The following LMO7 variants were observed in gnomAD, a reference collection of about 807,000 sequenced individuals.
The protein encoded by LMO7 is LIM domain 7, also known as LIM domain only protein 7.
LMO7 carries 120 observed loss-of-function variants against 206.5 expected under a neutral mutation model. The ratio of observed to expected loss-of-function variants is 0.58; its 90% CI spans 0.50 to 0.68. The LOEUF is 0.68. Among genes scored for constraint, LMO7 ranks in the 30% least tolerant of loss-of-function variants. The pLI is 0.00. For synonymous variants in LMO7, 706 were observed against 681.5 expected (o/e 1.04, Z -0.56); for missense variants, 1,959 against 1,957.9 (o/e 1.00, Z -0.01).
intron 26 of LMO7, among the ~76,000 whole-genome samples, chr13:75,846,396 T>C (rs2060000013): frequency 6.6e-6 from 1 of 152,214 alleles, no homozygotes; most frequent in African/African-American, 2.4e-5. Context: ...TATAACCACA[T>C]TATTATCTTT....
In LMO7 at chr13:75,636,630, GTCTC is replaced by G. The variant is rs752947652; in HGVS notation, c.-21_-18del. The G allele has an allele frequency of 3.2e-6, 5 of 1,566,412 alleles. No homozygotes were observed. The Admixed American group carries it at 5.6e-5, about 18-fold the overall frequency. On this transcript the variant is annotated 5_prime_UTR_variant, in exon 1 of 31. Transcript: ENST00000377534. The stretch of plus-strand genomic sequence containing the variant: ...AACCCCTCCCCTCCACGCATCCCGA[GTCTC>G]TCTCTCCCTCCCTTGTCCTAGCCAT...
At chr13:75,717,374 A>C (rs1381674144) in intron 2 of LMO7, among the ~76,000 whole-genome samples, 4 of 150,476 alleles carry the variant, frequency 2.7e-5, no homozygotes, top group East Asian at 2.0e-4. Flanking sequence ...AAAAAAAAAA[A>C]AAAAAAACAC....
At position 75,841,901 on chromosome 13, in the gene LMO7, G is replaced by C; in HGVS notation, c.3949G>C (p.Glu1317Gln). The C allele has an allele frequency of 1.9e-6, 3 of 1,613,902 alleles. No individual in the cohort carries two copies. Among genetic ancestry groups the C allele is most frequent in the Non-Finnish European group, 2.5e-6 (3 of 1,179,938 alleles). ...AAAGCGGCTTCAGGCTGAGGCTGAG[G>C]AGCAGAAGCGTCCTGCGGAGGAGCA... ...EQKRLQAEAE[E>Q]QKRPAEEQKR... is the part of the protein sequence containing the mutation. Residue 1317 changes from glutamate (E) to glutamine (Q), a missense_variant, in exon 24 of 31, where the codon GAG becomes CAG. Glu to Gln is a conservative substitution (Grantham distance 29). Coordinates refer to ENST00000377534, the MANE Select transcript of LMO7 (RefSeq NM_001306080.2).
chr13:75,853,882 C>T (rs979927627), intron 28 of LMO7, among the ~76,000 whole-genome samples: 1 of 152,202 alleles, frequency 6.6e-6, no homozygotes, highest in Non-Finnish European at 1.5e-5. Context: ...TTCTGACTAG[C>T]TGGATTAAAG....
intron 21 of LMO7, 113 bp downstream of exon 21, chr13:75,840,223 A>T: frequency 1.4e-6 from 2 of 1,388,650 alleles, no homozygotes; most frequent in Non-Finnish European, 2.0e-6. Flanking sequence ...TCAGAGAGTT[A>T]TCCTTCCAAG....
At chr13:75,714,280 C>T (rs561898106) in intron 2 of LMO7, among the ~76,000 whole-genome samples, 19 of 152,200 alleles carry the variant, frequency 1.2e-4, no homozygotes, top group African/African-American at 4.1e-4. Context: ...ATTTTCTCAT[C>T]GGTAAAGTAG....
At chr13:75,786,531 C>T (rs183429418) in intron 4 of LMO7, among the ~76,000 whole-genome samples, 10 of 152,130 alleles carry the variant, frequency 6.6e-5, no homozygotes, top group Admixed American at 5.9e-4. Context: ...CCAGCCACCA[C>T]GCCTGGCTAA....
intron 14 of LMO7, 101 bp downstream of exon 14, chr13:75,821,710 C>T (rs761284474): frequency 1.5e-4 from 108 of 712,178 alleles, no homozygotes; most frequent in Non-Finnish European, 2.1e-4. Context: ...GTAAACTGTA[C>T]ATAACATATA....
At chr13:75,793,099 C>T (rs1250924105) in intron 4 of LMO7, among the ~76,000 whole-genome samples, 1 of 152,086 alleles carries the variant, frequency 6.6e-6, no homozygotes, top group Non-Finnish European at 1.5e-5. Context: ...CCAGTGCATT[C>T]TTTGTCCTGT....
At chr13:75,780,685 G>A (rs2051196596) in intron 4 of LMO7, among the ~76,000 whole-genome samples, 1 of 152,202 alleles carries the variant, frequency 6.6e-6, no homozygotes, top group Non-Finnish European at 1.5e-5. Context: ...TAAGATTATT[G>A]ACTGGGGAAG....
intron 1 of LMO7, among the ~76,000 whole-genome samples, chr13:75,681,737 T>TATATATATATATATATATATATAC (rs2040544877): frequency 3.1e-5 from 4 of 130,854 alleles, no homozygotes; most frequent in African/African-American, 1.3e-4. Context: ...TATATATATA[T>TATATATATATATATATATATATAC]ATATATATAT....
intron 3 of LMO7, among the ~76,000 whole-genome samples, chr13:75,752,421 C>T (rs774746591): frequency 1.3e-5 from 2 of 152,224 alleles, no homozygotes; most frequent in Admixed American, 6.5e-5. Flanking sequence ...GCATGAGCCA[C>T]TGCACCCGGC....
chr13:75,819,974 T>A (rs1054865637), intron 13 of LMO7, among the ~76,000 whole-genome samples: 1 of 152,232 alleles, frequency 6.6e-6, no homozygotes, highest in Non-Finnish European at 1.5e-5. Flanking sequence ...TTAAAGAAAG[T>A]TTTTATGAAC....
chr13:75,687,642 G>A (rs1361918740), intron 1 of LMO7, among the ~76,000 whole-genome samples: 1 of 151,744 alleles, frequency 6.6e-6, no homozygotes, highest in Admixed American at 6.6e-5. Flanking sequence ...TTATTCAAAG[G>A]AACAGAAAAT....
intron 3 of LMO7, among the ~76,000 whole-genome samples, chr13:75,743,125 A>T (rs1456263765): frequency 6.6e-6 from 1 of 152,210 alleles, no homozygotes; most frequent in Non-Finnish European, 1.5e-5. Flanking sequence ...AAAAAGCTCG[A>T]CATCACTAAT....
At chr13:75,842,358 A>T (rs749289462) in intron 24 of LMO7, among the ~76,000 whole-genome samples, 2 of 152,112 alleles carry the variant, frequency 1.3e-5, no homozygotes, top group Non-Finnish European at 2.9e-5. Context: ...TGCTTGGAGA[A>T]GTCATCAAAT....
intron 1 of LMO7, among the ~76,000 whole-genome samples, chr13:75,662,286 G>T (rs1412226875): frequency 6.6e-6 from 1 of 152,134 alleles, no homozygotes; most frequent in Non-Finnish European, 1.5e-5. Flanking sequence ...CCTCTGGCTA[G>T]GGCGAATGTC....
At chr13:75,666,092 T>A (rs1034287426) in intron 1 of LMO7, among the ~76,000 whole-genome samples, 6 of 152,242 alleles carry the variant, frequency 3.9e-5, no homozygotes, top group South Asian at 2.1e-4. Context: ...AGGAAACTTT[T>A]AAATTTTTTT....
chr13:75,704,823 A>G (rs942985391), intron 1 of LMO7, among the ~76,000 whole-genome samples: 3 of 152,252 alleles, frequency 2.0e-5, no homozygotes, highest in African/African-American at 7.2e-5. Context: ...TTATCCAGCA[A>G]GAGGATTAAA....
Sources: allele counts gnomAD v4.1 joint callset (sites outside exome capture counted in the v4.1 genomes callset), GRCh38; gene constraint gnomAD v4.1.1; transcripts MANE v1.5; gene names NCBI Gene and HGNC (gene_info 2026-07-23, HGNC 2026-07-21).